Variants in DOCK7 observed in about 807,000 individuals in gnomAD.
DOCK7 encodes dedicator of cytokinesis protein 7.
A neutral mutation model predicts 271.0 loss-of-function variants in DOCK7; 138 were observed. The ratio of observed to expected loss-of-function variants is 0.51; its 90% CI spans 0.44 to 0.59. The LOEUF (loss-of-function observed/expected upper bound fraction) is 0.59. Ranked by LOEUF, DOCK7 falls within the 20% of genes least tolerant of loss-of-function variation. The pLI is 0.00. For synonymous variants in DOCK7, 823 were observed against 876.1 expected (o/e 0.94, Z 1.07); for missense variants, 2,066 against 2,592.4 (o/e 0.80, Z 4.41).
intron 14 of DOCK7, chr1:62,601,132 G>C: frequency 6.2e-7 from 1 of 1,610,800 alleles, no homozygotes; most frequent in Non-Finnish European, 8.5e-7. Flanking sequence ...TATCTTCCAA[G>C]CCAAGAGCAC....
Position 62,559,112 on chromosome 1 carries a change from A to G in DOCK7, c.2308T>C (p.Leu770=), listed in dbSNP as rs1163839680. The part of the protein sequence containing the change: ...RIMENNLENE[L]KSSISALNSS... ...TTCAGTGCTGAAATACTGCTCTTCA[A>G]TTCATTTTCTAAGTTATTTTCCATG... Residue 770 remains leucine, a synonymous_variant, in exon 20 of 50, where the codon TTG becomes CTG. Transcript: ENST00000635253. 6.2e-7 allele frequency: 1 copy of G among 1,613,866 alleles called. No individual in the cohort carries two copies. Among genetic ancestry groups the G allele is most frequent in the Non-Finnish European group, 8.5e-7 (1 of 1,179,934 alleles).
chr1:62,477,623 G>T, intron 44 of DOCK7, 77 bp downstream of exon 44: 1 of 1,436,850 alleles, frequency 7.0e-7, no homozygotes, highest in Non-Finnish European at 9.2e-7. Flanking sequence ...TAAATGATTA[G>T]ATCTGGATCT....
At chr1:62,662,887 G>T in intron 2 of DOCK7, 138 bp downstream of exon 2, 2 of 572,028 alleles carry the variant, frequency 3.5e-6, no homozygotes, top group Non-Finnish European at 5.8e-6. Context: ...TCCCAACTCA[G>T]ATTTCAACAA....
At chr1:62,558,175 A>G (rs1046828673) in intron 20 of DOCK7, among the ~76,000 whole-genome samples, 7 of 152,084 alleles carry the variant, frequency 4.6e-5, no homozygotes, top group Admixed American at 2.0e-4. Flanking sequence ...TTCCTCCCCC[A>G]AATTCATTCT....
chr1:62,542,589 A>G lies in DOCK7; in HGVS notation c.3045+19T>C, dbSNP rs1403665735. 2 of 1,595,632 alleles carry G rather than the reference A, an allele frequency of 1.3e-6. No homozygotes were observed. The highest frequency in any genetic ancestry group is 2.7e-5 in the African/African-American group (2 of 73,738). Reference sequence around the variant, plus strand: ...ACTAAGAGAAAAAATATTAAAGAACATGCTCAGTTTTTGCTCACCATTAAT... The same window carrying G: ...ACTAAGAGAAAAAATATTAAAGAACGTGCTCAGTTTTTGCTCACCATTAAT... On this transcript the variant is annotated intron_variant, in intron 25 of 49. Transcript: ENST00000635253.
At chr1:62,563,575 T>C (rs557787194) in intron 18 of DOCK7, among the ~76,000 whole-genome samples, 4 of 152,090 alleles carry the variant, frequency 2.6e-5, no homozygotes, top group Non-Finnish European at 5.9e-5. Context: ...TCCTATGGTT[T>C]TATCATTTTT....
In DOCK7 at chr1:62,634,789, A is replaced by G; in HGVS notation, c.1019T>C (p.Val340Ala). ...TATTCTCACCTTTATTACAAGAAAAACATCTTGGGAAGGATAAGTGATAGA... is the reference window on the plus strand; with the variant it reads ...TATTCTCACCTTTATTACAAGAAAAGCATCTTGGGAAGGATAAGTGATAGA... ...IFSITYPSQDVFLVIKLEKVL... is the reference protein window; with the variant it reads ...IFSITYPSQDAFLVIKLEKVL... Residue 340 changes from valine (V) to alanine (A), a missense_variant, in exon 9 of 50, where the codon GTT becomes GCT. By Grantham distance (64) the Val-to-Ala change is moderately conservative (BLOSUM62 0). Coordinates refer to ENST00000635253, the MANE Select transcript of DOCK7 (RefSeq NM_001367561.1). The G allele has an allele frequency of 6.2e-7, 1 of 1,612,228 alleles. No homozygotes were observed. The highest frequency in any genetic ancestry group is 8.5e-7 in the Non-Finnish European group (1 of 1,179,088).
At chr1:62,554,211 G>A (rs758669677) in intron 21 of DOCK7, among the ~76,000 whole-genome samples, 8 of 151,718 alleles carry the variant, frequency 5.3e-5, no homozygotes, top group Non-Finnish European at 7.4e-5. Context: ...GGTGGCTCAC[G>A]CCTATAATCC....
At chr1:62,550,185 T>C (rs189308256) in intron 22 of DOCK7, among the ~76,000 whole-genome samples, 1 of 152,118 alleles carries the variant, frequency 6.6e-6, no homozygotes, top group East Asian at 1.9e-4. Flanking sequence ...GAGAAACTGA[T>C]GATGTGGAAG....
At chr1:62,517,368 G>A (rs1052689818) in intron 31 of DOCK7, among the ~76,000 whole-genome samples, 1 of 152,310 alleles carries the variant, frequency 6.6e-6, no homozygotes, top group Non-Finnish European at 1.5e-5. Flanking sequence ...GGCTGAGGCG[G>A]GTGGATCACC....
At chr1:62,666,029 T>C (rs1336561995) in intron 1 of DOCK7, among the ~76,000 whole-genome samples, 1 of 151,950 alleles carries the variant, frequency 6.6e-6, no homozygotes, top group Non-Finnish European at 1.5e-5. Context: ...CCAGGCGTGG[T>C]GGTGGGCACC....
chr1:62,501,113 C>T (rs1429211673), intron 37 of DOCK7, among the ~76,000 whole-genome samples: 2 of 152,042 alleles, frequency 1.3e-5, no homozygotes, highest in Non-Finnish European at 2.9e-5. Context: ...TTTGGAAGGC[C>T]GTGCAGGGAG....
At chr1:62,664,066 C>T (rs1018080894) in intron 1 of DOCK7, among the ~76,000 whole-genome samples, 4 of 152,056 alleles carry the variant, frequency 2.6e-5, no homozygotes, top group African/African-American at 9.7e-5. Context: ...AAGAATATTG[C>T]TAAGTGAAAG....
Position 62,495,435 on chromosome 1 carries a change from G to A in DOCK7, c.5024+146C>T, listed in dbSNP as rs941858478. ...GGTAAAACCCCATCTCTACAAAAAA[G>A]TAAAAAATAAAAATAAAAACAATAA... On this transcript the variant is annotated intron_variant, in intron 39 of 49. Transcript: ENST00000635253. 8 of 566,732 alleles carry A rather than the reference G, an allele frequency of 1.4e-5. No individual in the cohort carries two copies. The South Asian group carries it at 2.8e-4, about 20-fold the overall frequency. The allele number at this position is 566,732 out of a possible 1,614,324, so 35.1% of individuals were successfully genotyped here.
chr1:62,539,112 T>C lies in DOCK7; in HGVS notation c.3300+433A>G, dbSNP rs116498293. 7.0e-3 allele frequency among the ~76,000 whole-genome samples: 1,073 copies of C among 152,306 alleles called. 15 individuals carry two copies. The highest frequency in any genetic ancestry group is 0.024 in the African/African-American group (1,012 of 41,572). ...CATATGGCAAATGGGTAAACATCCA[T>C]AATTCCAAACTCTACAATGTCCAGG... On this transcript the variant is annotated intron_variant, in intron 27 of 49. Transcript: ENST00000635253.
chr1:62,620,797 T>C (rs752585141), intron 12 of DOCK7, among the ~76,000 whole-genome samples: 3 of 142,432 alleles, frequency 2.1e-5, no homozygotes, highest in Non-Finnish European at 4.5e-5. Context: ...GGCAGGAGAA[T>C]GGCGTGAACT....
chr1:62,488,753 G>A, intron 42 of DOCK7, 181 bp downstream of exon 42: 1 of 766,352 alleles, frequency 1.3e-6, no homozygotes, highest in South Asian at 1.5e-5. Context: ...TACTTTAGGT[G>A]AATTCATTTT....
intron 48 of DOCK7, among the ~76,000 whole-genome samples, chr1:62,459,767 A>G (rs796458943): frequency 3.3e-5 from 5 of 152,136 alleles, no homozygotes; most frequent in African/African-American, 1.2e-4. Flanking sequence ...CCTAGGGACC[A>G]ATACCCGAAT....
Position 62,558,992 on chromosome 1 carries a change from T to C in DOCK7, c.2428A>G (p.Ile810Val). 6.2e-7 allele frequency: 1 copy of C among 1,606,456 alleles called. No individual in the cohort carries two copies. The highest frequency in any genetic ancestry group is 8.5e-7 in the Non-Finnish European group (1 of 1,174,064). ...VIRPPVIAGQ[I>V]VNLGQASFEA... ...TCCCCAAACAAAAGTAAATTACCTATTTGGCCAGCAATGACAGGAGGTCTA... is the reference window on the plus strand; with the variant it reads ...TCCCCAAACAAAAGTAAATTACCTACTTGGCCAGCAATGACAGGAGGTCTA... Residue 810 changes from isoleucine (I) to valine (V), a missense_variant, in exon 20 of 50, where the codon ATA becomes GTA. Ile to Val is a conservative substitution (Grantham distance 29). Around this residue, in one of 2 missense-constraint regions of DOCK7, gnomAD observed 1,414 missense variants for 1,670.4 expected, o/e 0.85. Coordinates refer to ENST00000635253, the MANE Select transcript of DOCK7 (RefSeq NM_001367561.1).
Sources: gnomAD v4.1 joint callset for allele counts (sites outside exome capture counted in the v4.1 genomes callset) on GRCh38, gnomAD v4.1.1 for gene constraint, gnomAD v4.1.1 regional missense constraint, MANE v1.5 for transcripts, NCBI Gene and HGNC (gene_info 2026-07-23, HGNC 2026-07-21) for gene names.